CCDC57: variants seen among roughly 807,000 people sequenced by gnomAD.
CCDC57 encodes the protein coiled-coil domain containing 57.
In CCDC57, 118 loss-of-function variants were observed where a neutral mutation model predicts 118.9. The observed-to-expected ratio is 0.99, with a 90% CI of 0.86 to 1.16. CCDC57 has a LOEUF of 1.16. Among genes scored for constraint, CCDC57 ranks in the 50% most tolerant of loss-of-function variants. The pLI, the probability that CCDC57 is intolerant of heterozygous loss-of-function variation, is 0.00. For synonymous variants in CCDC57, 527 were observed against 532.9 expected (o/e 0.99, Z 0.15); for missense variants, 1,300 against 1,320.7 (o/e 0.98, Z 0.24).
At chr17:82,183,646 A>T in intron 9 of CCDC57, 128 bp downstream of exon 8, 1 of 927,532 alleles carries the variant, frequency 1.1e-6, no homozygotes, top group Non-Finnish European at 1.6e-6. Context: ...TGTCTTGTTC[A>T]CTGTCTTTCT....
intron 19 of CCDC57, among the ~76,000 whole-genome samples, chr17:82,117,541 G>A (rs1421203621): frequency 3.9e-5 from 6 of 152,160 alleles, no homozygotes; most frequent in African/African-American, 1.4e-4. Flanking sequence ...GGAATGCTGA[G>A]GAAGGAGGAA....
chr17:82,148,918 AGGTGGGTGGATGGATGGGTG>A (rs2041403537), intron 16 of CCDC57, among the ~76,000 whole-genome samples: 1 of 46,934 alleles, frequency 2.1e-5, no homozygotes, highest in African/African-American at 8.7e-5. Flanking sequence ...ATGAACAGAT[AGGTGGGTGGATGGATGGGTG>A]GGTGGGTGGA....
chr17:82,188,325 T>A (rs770474054), exon 8 of CCDC57: 1 of 1,607,416 alleles, frequency 6.2e-7, no homozygotes, highest in Non-Finnish European at 8.5e-7. Flanking sequence ...TCCAGAACCC[T>A]GGTCTGCAGC....
chr17:82,189,966 C>T (rs932904336), intron 7 of CCDC57, among the ~76,000 whole-genome samples: 47 of 151,824 alleles, frequency 3.1e-4, no homozygotes, highest in Non-Finnish European at 5.7e-4. Flanking sequence ...GCCGAGATTG[C>T]GCCACTGCAC....
At position 82,178,458 on chromosome 17, in the gene CCDC57, G is replaced by A. The variant is rs765314204; in HGVS notation, c.1506+16C>T. ...CTGTTGAGCAAAGTTTCAAAGAGCC[G>A]ACTGGGTACTCTCACCTGTGCCCCT... On this transcript the variant is annotated intron_variant, in intron 11 of 19. Coordinates refer to ENST00000665763, the Ensembl canonical transcript of CCDC57. 1.6e-5 allele frequency: 25 copies of A among 1,582,032 alleles called. No individual in the cohort carries two copies. Among genetic ancestry groups the A allele is most frequent in the South Asian group, 1.1e-4 (10 of 87,606 alleles).
intron 15 of CCDC57, chr17:82,153,867 G>C (rs898873345): frequency 5.3e-5 from 8 of 152,374 alleles, no homozygotes; most frequent in African/African-American, 1.9e-4. Context: ...AGGAAACTTT[G>C]GTCTGCTGAA....
exon 10 of CCDC57, chr17:82,179,140 G>T: frequency 6.2e-7 from 1 of 1,613,960 alleles, no homozygotes; most frequent in East Asian, 2.2e-5. Context: ...ACCTGATCAC[G>T]CTCCAGGCTC....
chr17:82,173,528 A>G (rs971345601), intron 11 of CCDC57, among the ~76,000 whole-genome samples: 3 of 152,238 alleles, frequency 2.0e-5, no homozygotes, highest in Admixed American at 6.5e-5. Flanking sequence ...CGCGTCTACA[A>G]CAAGGCCAGA....
At chr17:82,190,385 C>A (rs1254647535) in intron 7 of CCDC57, among the ~76,000 whole-genome samples, 2 of 152,174 alleles carry the variant, frequency 1.3e-5, no homozygotes, top group East Asian at 3.9e-4. Flanking sequence ...AGGTCTGCAG[C>A]TGCTGGCCAT....
intron 19 of CCDC57, among the ~76,000 whole-genome samples, chr17:82,107,791 A>T (rs2034969316): frequency 1.3e-5 from 2 of 152,120 alleles, no homozygotes; most frequent in Non-Finnish European, 2.9e-5. Context: ...GGACTCTGGG[A>T]GGGAACAGCC....
At chr17:82,207,786 G>A (rs1025581165) in intron 2 of CCDC57, 1 of 152,226 alleles carries the variant, frequency 6.6e-6, no homozygotes, top group Non-Finnish European at 1.5e-5. Flanking sequence ...GGCAGCAGGC[G>A]GGGTGGACCT....
chr17:82,204,311 C>T (rs535622948), intron 2 of CCDC57, among the ~76,000 whole-genome samples: 134 of 152,282 alleles, frequency 8.8e-4, no homozygotes, highest in African/African-American at 3.1e-3. Flanking sequence ...TCCTGTTCCT[C>T]GTCTCCCTCA....
At chr17:82,128,459 A>C (rs1304040210) in intron 18 of CCDC57, 34 bp downstream of exon 17, 1 of 1,474,742 alleles carries the variant, frequency 6.8e-7, no homozygotes, top group African/African-American at 1.4e-5. Flanking sequence ...CACACCCCAC[A>C]CAGCTGCACT....
exon 20 of CCDC57, chr17:82,101,795 T>C: frequency 1.9e-6 from 3 of 1,607,278 alleles, no homozygotes; most frequent in African/African-American, 1.3e-5. Context: ...GCTGCTGTCT[T>C]CATCCCTGGG....
In CCDC57 at chr17:82,192,071, C is replaced by T. The variant is rs1052209164; in HGVS notation, c.851+1685G>A. 6.6e-6 allele frequency among the ~76,000 whole-genome samples: 1 copy of T among 151,644 alleles called. No individual in the cohort carries two copies. The highest frequency in any genetic ancestry group is 1.5e-5 in the Non-Finnish European group (1 of 67,950). On this transcript the variant is annotated intron_variant, in intron 7 of 19. Transcript: ENST00000665763. The surrounding 1 kb of genome is among the most constrained non-coding windows in gnomAD (Gnocchi z 4.0). ...CGCGGTCTCGGCTCAGTGAAACCTC[C>T]ACCTCCCAAGTTCAAGTGATTCCCC... is the stretch of plus-strand genomic sequence containing the variant.
chr17:82,157,599 G>A, intron 15 of CCDC57, 149 bp downstream of exon 14: 1 of 1,440,530 alleles, frequency 6.9e-7, no homozygotes, highest in Non-Finnish European at 9.1e-7. Context: ...GGTGGAGCAG[G>A]GCCCACTTCC....
intron 16 of CCDC57, among the ~76,000 whole-genome samples, chr17:82,145,581 AAAC>A (rs1315143762): frequency 1.3e-5 from 2 of 152,036 alleles, no homozygotes; most frequent in South Asian, 2.1e-4. Flanking sequence ...AGTTTACTAG[AAAC>A]AACATTTTAA....
At chr17:82,145,776 C>T in intron 16 of CCDC57, 1 of 464,180 alleles carries the variant, frequency 2.2e-6, no homozygotes, top group South Asian at 1.6e-5. Context: ...GTTCTCACTC[C>T]CCGCCCTGGT....
intron 8 of CCDC57, among the ~76,000 whole-genome samples, chr17:82,186,604 G>A (rs1263975397): frequency 6.6e-6 from 1 of 152,124 alleles, no homozygotes; most frequent in East Asian, 1.9e-4. Context: ...TCCTGGTACT[G>A]TGTAGTTCTA....
Sources: allele counts gnomAD v4.1 joint callset (sites outside exome capture counted in the v4.1 genomes callset), GRCh38; gene constraint gnomAD v4.1.1; non-coding constraint Gnocchi (gnomAD v3.1); transcripts MANE v1.5; gene names NCBI Gene and HGNC (gene_info 2026-07-23, HGNC 2026-07-21).